Variants in EYA2 observed in about 807,000 individuals in gnomAD.
EYA2 encodes the protein protein phosphatase EYA2.
EYA2 carries 31 observed loss-of-function variants against 69.2 expected under a neutral mutation model. That is an observed-to-expected ratio of 0.45 (90% CI 0.34 to 0.60). The LOEUF is 0.60. EYA2 is among the 20% of genes least tolerant of loss of function. The pLI, the probability that EYA2 is intolerant of heterozygous loss-of-function variation, is 0.02. For missense variants in EYA2, 622 were observed against 701.2 expected (o/e 0.89, Z 1.28); for synonymous variants, 257 against 279.4 (o/e 0.92, Z 0.80).
chr20:47,072,355 G>A, intron 6 of EYA2, 103 bp downstream of exon 6: 1 of 1,138,078 alleles, frequency 8.8e-7, no homozygotes, highest in Non-Finnish European at 1.3e-6. Flanking sequence ...TCCCCATTGG[G>A]AACCTGCCTC....
At chr20:47,083,488 G>A (rs142370541) in intron 7 of EYA2, among the ~76,000 whole-genome samples, 3,772 of 149,658 alleles carry the variant, frequency 0.025, 156 homozygotes, top group African/African-American at 0.085. Flanking sequence ...TGAGGCAGGA[G>A]AATCCCTTGA....
At chr20:46,927,410 T>G (rs1307817435) in intron 1 of EYA2, among the ~76,000 whole-genome samples, 1 of 152,236 alleles carries the variant, frequency 6.6e-6, no homozygotes, top group African/African-American at 2.4e-5. Context: ...ATGGCTGTAT[T>G]AATCTGTTCT....
At chr20:47,098,190 G>A (rs537055301) in intron 9 of EYA2, among the ~76,000 whole-genome samples, 4 of 152,302 alleles carry the variant, frequency 2.6e-5, no homozygotes, top group East Asian at 1.9e-4. Context: ...TAGGAATGCC[G>A]TTAATATGTC....
intron 7 of EYA2, among the ~76,000 whole-genome samples, chr20:47,083,052 G>C (rs1210186444): frequency 6.6e-6 from 1 of 152,036 alleles, no homozygotes; most frequent in Non-Finnish European, 1.5e-5. Flanking sequence ...AATAACCCAG[G>C]CAGTGGGTTG....
chr20:47,107,525 C>A (rs79925759), intron 9 of EYA2, among the ~76,000 whole-genome samples: 23 of 125,226 alleles, frequency 1.8e-4, no homozygotes, highest in South Asian at 2.6e-4. Flanking sequence ...GACTCTGTAT[C>A]AAAAAAAAAA....
chr20:47,071,008 CTGGAATTTTTTTTTTTCCAAGA>C (rs902260533), intron 5 of EYA2, among the ~76,000 whole-genome samples: 71 of 151,508 alleles, frequency 4.7e-4, no homozygotes, highest in Admixed American at 2.0e-3. Context: ...GCCACCACAC[CTGGAATTTTTTTTTTTCCAAGA>C]TGGAGTCTTG....
chr20:46,914,570 CCCAGGA>C (rs1338522754), intron 1 of EYA2, among the ~76,000 whole-genome samples: 1 of 152,074 alleles, frequency 6.6e-6, no homozygotes, highest in African/African-American at 2.4e-5. Flanking sequence ...AGAATCAGTG[CCCAGGA>C]AAGGGGGAAG....
At chr20:47,185,805 G>A (rs2034628274) in intron 15 of EYA2, among the ~76,000 whole-genome samples, 1 of 152,228 alleles carries the variant, frequency 6.6e-6, no homozygotes, top group African/African-American at 2.4e-5. Flanking sequence ...ACAGAACAAA[G>A]AGAAAAGGAT....
intron 5 of EYA2, among the ~76,000 whole-genome samples, chr20:47,038,381 C>T (rs1455908634): frequency 5.3e-5 from 8 of 152,174 alleles, no homozygotes; most frequent in Non-Finnish European, 1.5e-5. Context: ...GTCCCAGCTA[C>T]TCAGGAGGCT....
In EYA2 at chr20:47,157,073, G is replaced by A. The variant is rs138227784; in HGVS notation, c.979-12066G>A. Among the ~76,000 whole-genome samples the A allele has an allele frequency of 9.7e-4, 147 of 151,964 alleles. 6 individuals are homozygous for A. The East Asian group carries it at 0.013, about 13-fold the overall frequency. On this transcript the variant is annotated intron_variant, in intron 10 of 15. Coordinates refer to ENST00000327619, the MANE Select transcript of EYA2 (RefSeq NM_005244.5). ...TGCAACAACAGTAATACTAAGTATC[G>A]GCTGGGGATGGTGGCTCATGCCTGT...
At chr20:47,154,069 G>T (rs192236377) in intron 10 of EYA2, among the ~76,000 whole-genome samples, 1 of 151,974 alleles carries the variant, frequency 6.6e-6, no homozygotes, top group African/African-American at 2.4e-5. Flanking sequence ...TGGCTTACAC[G>T]ACAGAAATTT....
intron 3 of EYA2, among the ~76,000 whole-genome samples, chr20:47,002,217 G>A (rs1315801958): frequency 1.4e-5 from 2 of 144,298 alleles, no homozygotes; most frequent in Non-Finnish European, 3.0e-5. Context: ...TTTATTTTAA[G>A]TTCCAGTATA....
intron 10 of EYA2, 116 bp downstream of exon 10, chr20:47,143,264 CTTT>C (rs1030408606): frequency 1.0e-6 from 1 of 955,506 alleles, no homozygotes; most frequent in Non-Finnish European, 1.5e-6. Flanking sequence ...TCTCCTTTTT[CTTT>C]TAGAAGCTTG....
Position 46,997,075 on chromosome 20 carries a change from C to T in EYA2, c.110-4353C>T, listed in dbSNP as rs143514132. ...CCCCCACAAAGCGGGATTTCTGTTCCGCACAGGTAGAGGTTGTTCTGGGTG... is the reference window on the plus strand; with the variant it reads ...CCCCCACAAAGCGGGATTTCTGTTCTGCACAGGTAGAGGTTGTTCTGGGTG... On this transcript the variant is annotated intron_variant, in intron 2 of 15. Transcript: ENST00000327619. 2.6e-3 allele frequency among the ~76,000 whole-genome samples: 403 copies of T among 152,104 alleles called. 2 individuals carry two copies. Among genetic ancestry groups the T allele is most frequent in the African/African-American group, 8.2e-3 (339 of 41,514 alleles).
rs371036964 is a variant in EYA2 at position 47,188,181 on chromosome 20, G to A, written c.*48G>A. On this transcript the variant is annotated 3_prime_UTR_variant, in exon 16 of 16. Coordinates refer to ENST00000327619, the MANE Select transcript of EYA2 (RefSeq NM_005244.5). Reference sequence around the variant, plus strand: ...TGCCATCTCACCCTCAGACCCCCTCGCCTTCCCCACCTCCCCACCGAGAAC... The same window carrying A: ...TGCCATCTCACCCTCAGACCCCCTCACCTTCCCCACCTCCCCACCGAGAAC... 38 of 1,517,026 alleles carry A rather than the reference G, an allele frequency of 2.5e-5. No homozygotes were observed. In the East Asian group the frequency reaches 6.4e-4, roughly 26 times the overall value. The allele number at this position is 1,517,026 out of a possible 1,614,324, so 94.0% of individuals were successfully genotyped here. A position where few individuals can be genotyped will look rare whatever the true frequency, so the allele number is the denominator to read the frequency against.
intron 9 of EYA2, among the ~76,000 whole-genome samples, chr20:47,130,626 T>C (rs1354772351): frequency 1.3e-5 from 2 of 152,072 alleles, no homozygotes; most frequent in African/African-American, 4.8e-5. Context: ...ATGACCGCAA[T>C]AGAAGACATG....
chr20:46,903,502 A>G (rs1180635007), intron 1 of EYA2, among the ~76,000 whole-genome samples: 1 of 152,186 alleles, frequency 6.6e-6, no homozygotes, highest in Non-Finnish European at 1.5e-5. Flanking sequence ...CAGCCTGGGT[A>G]CTGACTTTCA....
chr20:47,123,010 C>T (rs1488350554), intron 9 of EYA2, among the ~76,000 whole-genome samples: 3 of 152,158 alleles, frequency 2.0e-5, no homozygotes, highest in East Asian at 3.8e-4. Context: ...CCTTCCTGTG[C>T]CTCAGTTTTC....
chr20:47,044,086 C>T (rs533067905), intron 5 of EYA2, among the ~76,000 whole-genome samples: 3 of 152,304 alleles, frequency 2.0e-5, no homozygotes, highest in African/African-American at 7.2e-5. Flanking sequence ...TACTGTTAAT[C>T]AGCACAGCCC....
Sources: allele counts gnomAD v4.1 joint callset (sites outside exome capture counted in the v4.1 genomes callset), GRCh38; gene constraint gnomAD v4.1.1; transcripts MANE v1.5; gene names NCBI Gene and HGNC (gene_info 2026-07-23, HGNC 2026-07-21).